PPFIA2: variants seen among roughly 807,000 people sequenced by gnomAD.
PPFIA2 encodes the protein liprin-alpha-2.
Under a neutral mutation model 175.5 loss-of-function variants are expected in PPFIA2, and 46 were observed. The ratio of observed to expected loss-of-function variants is 0.26; its 90% CI spans 0.21 to 0.34. The LOEUF is 0.34. Ranked by LOEUF, PPFIA2 falls within the 10% of genes least tolerant of loss-of-function variation. The pLI, the probability that PPFIA2 is intolerant of heterozygous loss-of-function variation, is 1.00. For synonymous variants in PPFIA2, 568 were observed against 511.4 expected (o/e 1.11, Z -1.49); for missense variants, 1,179 against 1,506.1 (o/e 0.78, Z 3.60).
chr12:81,493,364 G>A (rs983854175), intron 4 of PPFIA2, among the ~76,000 whole-genome samples: 1 of 151,988 alleles, frequency 6.6e-6, no homozygotes, highest in African/African-American at 2.4e-5. Context: ...TCAGTGTTCA[G>A]ATGCTGGGAA....
intron 22 of PPFIA2, chr12:81,312,236 T>C (rs2051106370): frequency 7.1e-7 from 1 of 1,398,964 alleles, no homozygotes; most frequent in Non-Finnish European, 9.7e-7. Flanking sequence ...TACAGTTCAA[T>C]CCAAAGAAAA....
intron 8 of PPFIA2, among the ~76,000 whole-genome samples, chr12:81,394,376 A>G (rs2040707412): frequency 6.6e-6 from 1 of 152,036 alleles, no homozygotes; most frequent in African/African-American, 2.4e-5. Flanking sequence ...AATGGTAGGC[A>G]TAGAAATAAT....
intron 3 of PPFIA2, among the ~76,000 whole-genome samples, chr12:81,745,453 T>C (rs1363329642): frequency 1.3e-4 from 20 of 152,206 alleles, no homozygotes. Context: ...GTCACCACTG[T>C]CTGGGACTTC....
intron 4 of PPFIA2, among the ~76,000 whole-genome samples, chr12:81,676,144 A>G (rs1417067010): frequency 6.6e-6 from 1 of 152,046 alleles, no homozygotes; most frequent in East Asian, 1.9e-4. Flanking sequence ...TGCATTGACT[A>G]TTTGTTGATA....
chr12:81,335,832 C>G (rs977858626), intron 21 of PPFIA2, among the ~76,000 whole-genome samples: 2 of 151,992 alleles, frequency 1.3e-5, no homozygotes, highest in African/African-American at 4.8e-5. Context: ...AAACCAGATC[C>G]CCGAGTAAGC....
In PPFIA2 at chr12:81,261,940, A is replaced by G. The variant is rs1429770219; in HGVS notation, c.*33+9T>C. On this transcript the variant is annotated intron_variant, in intron 32 of 32. Coordinates refer to ENST00000549396, the MANE Select transcript of PPFIA2 (RefSeq NM_003625.5). ...TTTTTTTTTTGTCAGCCAAAGGGAA[A>G]CTACTCACAGCAGGTCAGTGCTGCC... 1 of 1,544,564 alleles carries G rather than the reference A, an allele frequency of 6.5e-7. No homozygotes were observed. Among genetic ancestry groups the G allele is most frequent in the Non-Finnish European group, 8.8e-7 (1 of 1,138,650 alleles).
intron 4 of PPFIA2, among the ~76,000 whole-genome samples, chr12:81,663,171 G>T (rs938908697): frequency 1.3e-5 from 2 of 152,182 alleles, no homozygotes; most frequent in African/African-American, 4.8e-5. Flanking sequence ...TCAACACAGT[G>T]TGGGAAGTTC....
At chr12:81,272,482 T>G (rs1368181736) in intron 28 of PPFIA2, among the ~76,000 whole-genome samples, 1 of 152,210 alleles carries the variant, frequency 6.6e-6, no homozygotes. Context: ...GTTCTCAATT[T>G]AAGTCTTTAT....
chr12:81,660,908 A>G, intron 4 of PPFIA2, among the ~76,000 whole-genome samples: 1 of 152,218 alleles, frequency 6.6e-6, no homozygotes, highest in Non-Finnish European at 1.5e-5. Context: ...TTCTTAAAGA[A>G]AAGAATTTTC....
intron 4 of PPFIA2, among the ~76,000 whole-genome samples, chr12:81,503,044 A>G (rs2060758550): frequency 6.6e-6 from 1 of 152,012 alleles, no homozygotes; most frequent in South Asian, 2.1e-4. Flanking sequence ...AAAACTCTCC[A>G]CTTCAAAACC....
chr12:81,401,345 ACT>A (rs1363147552), intron 8 of PPFIA2, among the ~76,000 whole-genome samples: 3 of 152,148 alleles, frequency 2.0e-5, no homozygotes, highest in Non-Finnish European at 4.4e-5. Flanking sequence ...TATTCTTATA[ACT>A]CTGTAAGTTG....
At chr12:81,739,255 T>C (rs1390818639) in intron 3 of PPFIA2, among the ~76,000 whole-genome samples, 4 of 152,048 alleles carry the variant, frequency 2.6e-5, no homozygotes, top group African/African-American at 9.6e-5. Flanking sequence ...AAACTTATGA[T>C]TTCAGAAGTC....
At chr12:81,459,578 A>G (rs2054167488) in intron 4 of PPFIA2, among the ~76,000 whole-genome samples, 1 of 152,158 alleles carries the variant, frequency 6.6e-6, no homozygotes, top group Admixed American at 6.6e-5. Context: ...TCTATCATCA[A>G]ACTTTTTACA....
rs147366106 is a variant in PPFIA2 at position 81,521,498 on chromosome 12, T to A, written c.304-63632A>T. On this transcript the variant is annotated intron_variant, in intron 4 of 32. Transcript: ENST00000549396. ...TAACATTTTCTTATTTGAGAACAAT[T>A]TTGAAAAGTAATGTCATCCAAAGGA... Among the ~76,000 whole-genome samples the A allele has an allele frequency of 3.5e-3, 529 of 152,196 alleles. 1 individual carries two copies. The highest frequency in any genetic ancestry group is 5.3e-3 in the Non-Finnish European group (360 of 67,994).
intron 16 of PPFIA2, among the ~76,000 whole-genome samples, chr12:81,357,405 G>A (rs142109765): frequency 5.9e-5 from 9 of 152,102 alleles, no homozygotes; most frequent in Non-Finnish European, 1.2e-4. Flanking sequence ...AATAAAAGTG[G>A]TTGAAAGAAT....
chr12:81,379,363 T>C (rs1161646254), intron 9 of PPFIA2, among the ~76,000 whole-genome samples: 1 of 152,204 alleles, frequency 6.6e-6, no homozygotes, highest in Non-Finnish European at 1.5e-5. Flanking sequence ...AATTTAGATC[T>C]ATTAAAGTGA....
chr12:81,439,806 A>T (rs1228350744), intron 7 of PPFIA2, 166 bp downstream of exon 7: 1 of 626,650 alleles, frequency 1.6e-6, no homozygotes, highest in Non-Finnish European at 2.7e-6. Context: ...ATAACCAAAA[A>T]TCAGAAAACA....
At chr12:81,398,268 T>C (rs1011360908) in intron 8 of PPFIA2, among the ~76,000 whole-genome samples, 6 of 152,044 alleles carry the variant, frequency 3.9e-5, no homozygotes, top group African/African-American at 1.4e-4. Flanking sequence ...CTTGATTAAA[T>C]GTTTGCTGAA....
intron 4 of PPFIA2, among the ~76,000 whole-genome samples, chr12:81,530,734 T>A (rs2153276648): frequency 6.8e-6 from 1 of 147,686 alleles, no homozygotes; most frequent in African/African-American, 2.5e-5. Context: ...CAGAGAAAAT[T>A]GAGGAGGATA....
Sources: allele counts gnomAD v4.1 joint callset (sites outside exome capture counted in the v4.1 genomes callset), GRCh38; gene constraint gnomAD v4.1.1; transcripts MANE v1.5; gene names NCBI Gene and HGNC (gene_info 2026-07-23, HGNC 2026-07-21).